Variants in DOCK3 observed in about 807,000 individuals in gnomAD.
DOCK3 encodes dedicator of cytokinesis 3, also known as dedicator of cytokinesis protein 3.
Under a neutral mutation model 265.6 loss-of-function variants are expected in DOCK3, and 60 were observed. The ratio of observed to expected loss-of-function variants is 0.23; its 90% CI spans 0.18 to 0.28. The LOEUF is 0.28. Ranked by LOEUF, DOCK3 falls within the 10% of genes least tolerant of loss-of-function variation. The probability of loss-of-function intolerance (pLI) is 1.00; values close to 1 mark genes in which losing one functional copy is unlikely to be tolerated. For missense variants in DOCK3, 1,981 were observed against 2,594.3 expected, an observed-to-expected ratio of 0.76 and a Z score of 5.14; for synonymous variants, 881 against 938.0, an observed-to-expected ratio of 0.94 and a Z score of 1.11.
chr3:50,881,352 A>G (rs1443407225), intron 3 of DOCK3: 3 of 152,368 alleles, frequency 2.0e-5, no homozygotes, highest in Admixed American at 1.3e-4. Context: ...CTGTTTGCAG[A>G]TGACATGATT....
chr3:50,739,437 T>G (rs1325225863), intron 1 of DOCK3, among the ~76,000 whole-genome samples: 1 of 152,156 alleles, frequency 6.6e-6, no homozygotes, highest in African/African-American at 2.4e-5. Flanking sequence ...ACATTTCTGC[T>G]TTCAAAAATT....
chr3:51,071,561 T>C (rs1309460946), intron 6 of DOCK3, among the ~76,000 whole-genome samples: 1 of 152,192 alleles, frequency 6.6e-6, no homozygotes, highest in Non-Finnish European at 1.5e-5. Flanking sequence ...ATAATTAAAA[T>C]AACAGTAGCA....
intron 2 of DOCK3, among the ~76,000 whole-genome samples, chr3:50,823,676 T>C (rs1053307793): frequency 3.3e-5 from 5 of 152,234 alleles, no homozygotes; most frequent in Non-Finnish European, 7.3e-5. Flanking sequence ...CAATGAGCTG[T>C]TGGGTACACC....
intron 51 of DOCK3, among the ~76,000 whole-genome samples, chr3:51,379,807 T>C (rs529537831): frequency 1.3e-5 from 2 of 152,350 alleles, no homozygotes; most frequent in Admixed American, 1.3e-4. Flanking sequence ...GACAATGGAA[T>C]TGACTGTGCC....
chr3:51,357,192 C>A, intron 44 of DOCK3, 51 bp downstream of exon 44: 2 of 1,570,434 alleles, frequency 1.3e-6, no homozygotes, highest in Non-Finnish European at 8.6e-7. Flanking sequence ...GCCAGGAAGG[C>A]GGCTCACAGG....
chr3:51,016,595 A>G (rs2079274909), intron 5 of DOCK3, among the ~76,000 whole-genome samples: 1 of 89,000 alleles, frequency 1.1e-5, no homozygotes, highest in African/African-American at 4.7e-5. Context: ...CATATATTAT[A>G]TATGATATAT....
chr3:50,798,604 GT>G (rs936581541), intron 2 of DOCK3, among the ~76,000 whole-genome samples: 1 of 151,966 alleles, frequency 6.6e-6, no homozygotes, highest in African/African-American at 2.4e-5. Context: ...CTTTTGAGAT[GT>G]TTGAGTTTCT....
chr3:50,843,579 A>G (rs1035393457), intron 3 of DOCK3, among the ~76,000 whole-genome samples: 2 of 152,216 alleles, frequency 1.3e-5, no homozygotes, highest in African/African-American at 4.8e-5. Flanking sequence ...TACTCTTAGC[A>G]GTGTTTTGAC....
At chr3:51,252,431 G>A (rs185925809) in intron 22 of DOCK3, among the ~76,000 whole-genome samples, 1 of 152,290 alleles carries the variant, frequency 6.6e-6, no homozygotes, top group Admixed American at 6.5e-5. Context: ...GGATGGCATT[G>A]AATCTATAAA....
Position 50,727,463 on chromosome 3 carries a change from C to T in DOCK3, c.38-51212C>T, listed in dbSNP as rs556368591. Among the ~76,000 whole-genome samples, 24 of 152,094 alleles carry T rather than the reference C, an allele frequency of 1.6e-4. No individual in the cohort carries two copies. The South Asian group carries it at 2.1e-3, about 13-fold the overall frequency. ...CTGTAATTCCAGCACTTTGGGAGGC[C>T]GAGGTGGGCAGATCACCTGAGGTCA... On this transcript the variant is annotated intron_variant, in intron 1 of 52. Transcript: ENST00000266037.
chr3:50,890,507 T>A (rs745520992), intron 4 of DOCK3, among the ~76,000 whole-genome samples: 2 of 152,092 alleles, frequency 1.3e-5, no homozygotes, highest in Non-Finnish European at 2.9e-5. Context: ...CAAAATGGTT[T>A]GATCACAAAT....
At chr3:50,980,647 G>T (rs1348468858) in intron 5 of DOCK3, among the ~76,000 whole-genome samples, 1 of 152,002 alleles carries the variant, frequency 6.6e-6, no homozygotes, top group Non-Finnish European at 1.5e-5. Flanking sequence ...CTTGTTACTG[G>T]TTTATTCGGG....
intron 1 of DOCK3, among the ~76,000 whole-genome samples, chr3:50,763,930 G>A (rs767909287): frequency 1.5e-4 from 23 of 152,108 alleles, no homozygotes; most frequent in Non-Finnish European, 2.6e-4. Flanking sequence ...TCACCAAAAT[G>A]CTAATGGTCT....
intron 7 of DOCK3, among the ~76,000 whole-genome samples, chr3:51,080,862 A>G (rs1165104655): frequency 6.6e-6 from 1 of 152,230 alleles, no homozygotes; most frequent in African/African-American, 2.4e-5. Context: ...AGATATGGTC[A>G]GTAAACCACA....
chr3:51,191,924 CTTG>C (rs1489042016), intron 12 of DOCK3, among the ~76,000 whole-genome samples: 2 of 151,112 alleles, frequency 1.3e-5, no homozygotes, highest in African/African-American at 4.9e-5. Flanking sequence ...ATATTAGTCC[CTTG>C]TTGTACAAGT....
chr3:51,295,537 G>C lies in DOCK3; in HGVS notation c.2923-14695G>C, dbSNP rs1001768211. ...CCAAACCATTGCAAATGTAGAAAAA[G>C]CATTAAAAAAAATCCGCCAACAATT... On this transcript the variant is annotated intron_variant, in intron 27 of 52. Transcript: ENST00000266037. Among the ~76,000 whole-genome samples the C allele has an allele frequency of 2.6e-5, 4 of 151,936 alleles. No homozygotes were observed. The South Asian group carries it at 8.3e-4, about 32-fold the overall frequency.
At chr3:51,094,138 G>C (rs980351912) in intron 9 of DOCK3, among the ~76,000 whole-genome samples, 1 of 151,946 alleles carries the variant, frequency 6.6e-6, no homozygotes, top group Non-Finnish European at 1.5e-5. Context: ...TTCTTTTTTT[G>C]TTGTGTCTCT....
At chr3:51,201,449 A>G (rs1252744324) in intron 12 of DOCK3, among the ~76,000 whole-genome samples, 1 of 152,252 alleles carries the variant, frequency 6.6e-6, no homozygotes, top group East Asian at 1.9e-4. Flanking sequence ...TGGTAAAGGG[A>G]TCAATTCAAC....
At chr3:51,258,383 A>G (rs1283520853) in intron 22 of DOCK3, among the ~76,000 whole-genome samples, 1 of 152,204 alleles carries the variant, frequency 6.6e-6, no homozygotes, top group Non-Finnish European at 1.5e-5. Context: ...GGGCTTGGGC[A>G]TATGACAGTA....
Sources: allele counts gnomAD v4.1 joint callset (sites outside exome capture counted in the v4.1 genomes callset), GRCh38; gene constraint gnomAD v4.1.1; transcripts MANE v1.5; gene names NCBI Gene and HGNC (gene_info 2026-07-23, HGNC 2026-07-21).